The following CHD2 variants were observed in gnomAD, a reference collection of about 807,000 sequenced individuals.
CHD2 encodes the protein chromodomain helicase DNA binding protein 2.
CHD2 carries 28 observed loss-of-function variants against 243.9 expected under a neutral mutation model. The ratio of observed to expected loss-of-function variants is 0.11; its 90% CI spans 0.09 to 0.16. The LOEUF is 0.16. CHD2 is among the 10% of genes least tolerant of loss of function. CHD2 has a pLI of 1.00. For synonymous variants in CHD2, 775 were observed against 779.0 expected (o/e 0.99, Z 0.09); for missense variants, 1,386 against 2,209.8 (o/e 0.63, Z 7.47).
At chr15:93,001,143 T>C (rs888594690) in intron 32 of CHD2, among the ~76,000 whole-genome samples, 1 of 152,194 alleles carries the variant, frequency 6.6e-6, no homozygotes, top group Non-Finnish European at 1.5e-5. Flanking sequence ...GTGCTGGGAT[T>C]ACAGGCGTGA....
Position 92,937,621 on chromosome 15 carries a change from A to G in CHD2, c.547A>G (p.Arg183Gly), listed in dbSNP as rs1264879568. ...KKVKARRPVPRRTVPKPRVKK... is the reference protein window; with the variant it reads ...KKVKARRPVPGRTVPKPRVKK... ...AGTAAAAGCCAGAAGACCTGTCCCC[A>G]GAAGGTGCACTGTTTGCTTAAGATC... The change falls in exon 6 of 39, where the codon AGA becomes GGA. Residue 183 changes from arginine (R) to glycine (G), a missense_variant. Arg to Gly is a moderately radical substitution (Grantham distance 125, BLOSUM62 -2). Around this residue, in one of 19 missense-constraint regions of CHD2, gnomAD observed 90 missense variants for 78.0 expected, o/e 1.15. Transcript: ENST00000394196. 11 of 1,611,360 alleles carry G rather than the reference A, an allele frequency of 6.8e-6. No individual in the cohort carries two copies. The highest frequency in any genetic ancestry group is 9.3e-6 in the Non-Finnish European group (11 of 1,178,180).
At chr15:92,935,175 ACGGGCGCCCGCCACCACGCCTG>A (rs1409747947) in intron 5 of CHD2, among the ~76,000 whole-genome samples, 1 of 151,734 alleles carries the variant, frequency 6.6e-6, no homozygotes, top group Admixed American at 6.6e-5. Flanking sequence ...AGCTGGGACT[ACGGGCGCCCGCCACCACGCCTG>A]GCTAATTGTT....
intron 16 of CHD2, among the ~76,000 whole-genome samples, chr15:92,964,829 A>C (rs1338729279): frequency 1.3e-5 from 2 of 152,260 alleles, no homozygotes; most frequent in Admixed American, 1.3e-4. Flanking sequence ...GACTTACCGC[A>C]GAAAACAAGT....
chr15:92,905,123 C>T (rs1567117261), intron 2 of CHD2: 1 of 850,388 alleles, frequency 1.2e-6, no homozygotes. Flanking sequence ...CGTTAGGCAA[C>T]CATTACTATG....
intron 37 of CHD2, among the ~76,000 whole-genome samples, chr15:93,016,372 A>G (rs1405941465): frequency 6.6e-6 from 1 of 152,224 alleles, no homozygotes; most frequent in African/African-American, 2.4e-5. Flanking sequence ...AATTGGGAAG[A>G]TATTAACAAC....
intron 34 of CHD2, among the ~76,000 whole-genome samples, chr15:93,008,841 A>G (rs1222849041): frequency 1.3e-5 from 2 of 152,104 alleles, no homozygotes; most frequent in African/African-American, 4.8e-5. Context: ...TGCTCATTAG[A>G]TCTTCAAAAT....
At position 92,956,631 on chromosome 15, in the gene CHD2, A is replaced by G. The variant is rs201741748; in HGVS notation, c.1982A>G (p.His661Arg). ...CTCAAAGAGCTCTGGTCCTTGCTGCACTTTATTATGCCGGAGAAGTAAGCT... is the reference window on the plus strand; with the variant it reads ...CTCAAAGAGCTCTGGTCCTTGCTGCGCTTTATTATGCCGGAGAAGTAAGCT... ...NSLKELWSLL[H>R]FIMPEKFEFW... Residue 661 changes from histidine to arginine, a missense_variant, in exon 16 of 39, where the codon CAC (histidine) becomes CGC (arginine). His to Arg is a conservative substitution (Grantham distance 29). Transcript: ENST00000394196. 3 of 1,610,436 alleles carry G rather than the reference A, an allele frequency of 1.9e-6. No homozygotes were observed. The highest frequency in any genetic ancestry group is 1.7e-5 in the Admixed American group (1 of 58,894).
rs368325080 is a variant in CHD2, at chr15:92,972,568, G to GAGGGTCTTAATTTTTACTTGCAT, written c.2505+151_2505+152insAGGGTCTTAATTTTTACTTGCAT. 742 of 390,160 alleles carry GAGGGTCTTAATTTTTACTTGCAT rather than the reference G, an allele frequency of 1.9e-3. 167 individuals carry two copies. Among genetic ancestry groups the GAGGGTCTTAATTTTTACTTGCAT allele is most frequent in the Middle Eastern group, 3.8e-3 (6 of 1,566 alleles). The allele number at this position is 390,160 out of a possible 1,614,324, so 24.2% of individuals were successfully genotyped here. On this transcript the variant is annotated intron_variant, in intron 19 of 38. Coordinates refer to ENST00000394196, the MANE Select transcript of CHD2 (RefSeq NM_001271.4). ...AAAGAAGTTAAGGTTAAGATTCCAGGGGGCCGGGCGCGGTGGCTCACGCCT... is the reference window on the plus strand; with the variant it reads ...AAAGAAGTTAAGGTTAAGATTCCAGGAGGGTCTTAATTTTTACTTGCATGGGCCGGGCGCGGTGGCTCACGCCT...
At chr15:93,004,857 C>A in intron 34 of CHD2, 106 bp downstream of exon 34, 1 of 1,185,132 alleles carries the variant, frequency 8.4e-7, no homozygotes, top group Non-Finnish European at 1.2e-6. Flanking sequence ...AGCAATAGTA[C>A]ATTACTTGGG....
At chr15:92,900,869 T>A (rs1475512888) in intron 1 of CHD2, 45 bp downstream of exon 1, 12 of 406,768 alleles carry the variant, frequency 3.0e-5, no homozygotes, top group Non-Finnish European at 5.2e-5. Flanking sequence ...TTTATTTGTT[T>A]AAGTTTGCCT....
chr15:92,964,020 T>C (rs1399095212), intron 16 of CHD2, among the ~76,000 whole-genome samples: 1 of 152,210 alleles, frequency 6.6e-6, no homozygotes, highest in Non-Finnish European at 1.5e-5. Context: ...ATAATTAGCT[T>C]TTTCCTGCCA....
At chr15:92,993,124 C>T in intron 28 of CHD2, 126 bp downstream of exon 28, 1 of 964,948 alleles carries the variant, frequency 1.0e-6, no homozygotes, top group Non-Finnish European at 1.5e-6. Context: ...GGTGTTTATT[C>T]TGAGCTGCGT....
At chr15:93,009,123 T>C (rs374063942) in intron 34 of CHD2, 22 bp from the exon 35 acceptor site, 4 of 1,612,076 alleles carry the variant, frequency 2.5e-6, no homozygotes, top group Non-Finnish European at 3.4e-6. Context: ...GTTTATGTCT[T>C]TACTCTGTTG....
chr15:92,986,064 C>T (rs1424492682), intron 26 of CHD2, among the ~76,000 whole-genome samples: 1 of 152,196 alleles, frequency 6.6e-6, no homozygotes, highest in South Asian at 2.1e-4. Context: ...GCCACAATCC[C>T]ACTTCCACCT....
At chr15:92,996,526 G>A (rs1377785942) in intron 28 of CHD2, among the ~76,000 whole-genome samples, 3 of 152,228 alleles carry the variant, frequency 2.0e-5, no homozygotes, top group East Asian at 3.9e-4. Context: ...GTGAACTTAA[G>A]CTCATGTGTT....
intron 34 of CHD2, among the ~76,000 whole-genome samples, chr15:93,005,023 G>T (rs2054302595): frequency 6.6e-6 from 1 of 152,128 alleles, no homozygotes; most frequent in African/African-American, 2.4e-5. Flanking sequence ...GAGGCATTTG[G>T]GAAAGAGAAG....
intron 14 of CHD2, among the ~76,000 whole-genome samples, chr15:92,954,549 AT>A (rs1362071819): frequency 3.3e-5 from 5 of 152,234 alleles, no homozygotes; most frequent in African/African-American, 1.2e-4. Flanking sequence ...CATTGGCCTA[AT>A]TTTGAGTTTC....
At chr15:93,018,330 C>T (rs959904822) in intron 37 of CHD2, among the ~76,000 whole-genome samples, 4 of 152,204 alleles carry the variant, frequency 2.6e-5, no homozygotes, top group Non-Finnish European at 5.9e-5. Flanking sequence ...GTGGACTGTA[C>T]ATCATATTAA....
chr15:92,992,424 A>G (rs1277949740), intron 27 of CHD2, among the ~76,000 whole-genome samples: 1 of 152,236 alleles, frequency 6.6e-6, no homozygotes. Flanking sequence ...ATGGAGATCA[A>G]CTAAACATAT....
Sources: gnomAD v4.1 joint callset for allele counts (sites outside exome capture counted in the v4.1 genomes callset) on GRCh38, gnomAD v4.1.1 for gene constraint, gnomAD v4.1.1 regional missense constraint, MANE v1.5 for transcripts, NCBI Gene and HGNC (gene_info 2026-07-23, HGNC 2026-07-21) for gene names.